Variants in TENM2 observed in about 807,000 individuals in gnomAD.
TENM2 encodes teneurin-2.
A neutral mutation model predicts 245.2 loss-of-function variants in TENM2; 52 were observed. The observed-to-expected ratio is 0.21, with a 90% CI of 0.17 to 0.27. TENM2 has a LOEUF of 0.27. Ranked by LOEUF, TENM2 falls within the 10% of genes least tolerant of loss-of-function variation. The probability of loss-of-function intolerance (pLI) is 1.00; values close to 1 mark genes in which losing one functional copy is unlikely to be tolerated. For synonymous variants in TENM2, 1,363 were observed against 1,438.9 expected (o/e 0.95, Z 1.19); for missense variants, 3,046 against 3,666.8 (o/e 0.83, Z 4.37).
intron 2 of TENM2, among the ~76,000 whole-genome samples, chr5:167,575,474 G>C (rs1472265064): frequency 6.6e-6 from 1 of 152,196 alleles, no homozygotes; most frequent in East Asian, 1.9e-4. Flanking sequence ...AACCGGACTT[G>C]CTCCTCAATA....
intron 2 of TENM2, among the ~76,000 whole-genome samples, chr5:167,809,001 A>G (rs2150984556): frequency 6.6e-6 from 1 of 152,334 alleles, no homozygotes; most frequent in South Asian, 2.1e-4. Context: ...CAGTTACAAA[A>G]GGGATTCTTA....
At chr5:167,635,187 T>C (rs1367085278) in intron 2 of TENM2, among the ~76,000 whole-genome samples, 5 of 152,174 alleles carry the variant, frequency 3.3e-5, no homozygotes, top group African/African-American at 4.8e-5. Context: ...TACAGAGATA[T>C]ATAATTTACA....
At chr5:168,219,126 A>G (rs1763451496) in intron 23 of TENM2, 127 bp downstream of exon 25, 12 of 930,216 alleles carry the variant, frequency 1.3e-5, no homozygotes, top group Non-Finnish European at 1.8e-5. Flanking sequence ...ATGATGTCTT[A>G]TGGCCTCAAG....
At chr5:167,708,230 G>A (rs1228448384) in intron 2 of TENM2, among the ~76,000 whole-genome samples, 3 of 143,148 alleles carry the variant, frequency 2.1e-5, no homozygotes, top group Admixed American at 1.4e-4. Context: ...GGAAGAAAGT[G>A]ATGGAGAGAG....
intron 9 of TENM2, among the ~76,000 whole-genome samples, chr5:168,103,233 T>C (rs1047546275): frequency 6.6e-6 from 1 of 152,194 alleles, no homozygotes; most frequent in Admixed American, 6.5e-5. Flanking sequence ...TTGAAATCAT[T>C]TGGGACTTGC....
chr5:166,989,853 C>T, the TENM2 span, among the ~76,000 whole-genome samples: 4 of 149,434 alleles, frequency 2.7e-5, no homozygotes, highest in South Asian at 2.2e-4. Flanking sequence ...TAGATGATAA[C>T]GGTATTAAGC....
chr5:167,759,469 C>G (rs1441508609), intron 2 of TENM2, among the ~76,000 whole-genome samples: 1 of 152,124 alleles, frequency 6.6e-6, no homozygotes, highest in Non-Finnish European at 1.5e-5. Context: ...TTTCTCAAGC[C>G]TTGCACGCTG....
At chr5:167,759,233 G>A (rs1762504304) in intron 2 of TENM2, among the ~76,000 whole-genome samples, 1 of 151,132 alleles carries the variant, frequency 6.6e-6, no homozygotes, top group Non-Finnish European at 1.5e-5. Flanking sequence ...CTGTGTCTCA[G>A]TATCCTCTTT....
chr5:167,016,872 A>G, the TENM2 span, among the ~76,000 whole-genome samples: 1 of 152,202 alleles, frequency 6.6e-6, no homozygotes, highest in South Asian at 2.1e-4. Flanking sequence ...AAAGGGAGAA[A>G]CTGGCTCCCT....
At chr5:167,294,975 T>G (rs982076317) in intron 1 of TENM2, among the ~76,000 whole-genome samples, 1 of 152,182 alleles carries the variant, frequency 6.6e-6, no homozygotes, top group African/African-American at 2.4e-5. Flanking sequence ...CCCTCTGAAT[T>G]TTTATAGCCC....
At chr5:167,114,757 CA>C in the TENM2 span, among the ~76,000 whole-genome samples, 2 of 152,034 alleles carry the variant, frequency 1.3e-5, no homozygotes, top group East Asian at 3.9e-4. Flanking sequence ...AGATAATTTC[CA>C]AAACTTGAAA....
chr5:168,062,180 A>G, exon 7 of TENM2: 1 of 1,613,850 alleles, frequency 6.2e-7, no homozygotes, highest in East Asian at 2.2e-5. Flanking sequence ...AGTCAGCCCC[A>G]GTTCTTAAAG....
intron 5 of TENM2, among the ~76,000 whole-genome samples, chr5:168,025,156 A>G (rs1386130004): frequency 6.6e-6 from 1 of 152,226 alleles, no homozygotes; most frequent in Non-Finnish European, 1.5e-5. Flanking sequence ...CAAATGGAAA[A>G]CTACATGGTC....
rs1284378967 is a variant in TENM2 at position 168,017,832 on chromosome 5, C to T, written c.1186+24650C>T. 2.6e-5 allele frequency among the ~76,000 whole-genome samples: 4 copies of T among 152,232 alleles called. No homozygotes were observed. In the East Asian group the frequency reaches 5.8e-4, roughly 22 times the overall value. Reference sequence around the variant, plus strand: ...AGTACAAAATAGAGACTGACTTCATCGATCTTTATGCCATTTTTGCCCTTC... The same window carrying T: ...AGTACAAAATAGAGACTGACTTCATTGATCTTTATGCCATTTTTGCCCTTC... On this transcript the variant is annotated intron_variant, in intron 5 of 28. Transcript: ENST00000518659.
At chr5:167,097,047 ACTGT>A in the TENM2 span, among the ~76,000 whole-genome samples, 1 of 152,112 alleles carries the variant, frequency 6.6e-6, no homozygotes, top group East Asian at 1.9e-4. Context: ...TTCAGACTTC[ACTGT>A]CTGCTGCGTT....
the TENM2 span, among the ~76,000 whole-genome samples, chr5:167,123,197 C>T: frequency 6.6e-6 from 1 of 151,650 alleles, no homozygotes; most frequent in Admixed American, 6.6e-5. Flanking sequence ...GTAATCCAAG[C>T]TACTCAGGAG....
rs3083562 is a variant in TENM2, at chr5:168,235,810, G to GA, written c.5520+7690dup. ...TGACAGAGTGAGACTCTGCCTCAAAGAAAAAAAAAAGAAATTGTGATGGGT... is the reference window on the plus strand; with the variant it reads ...TGACAGAGTGAGACTCTGCCTCAAAGAAAAAAAAAAAGAAATTGTGATGGGT... On this transcript the variant is annotated intron_variant, in intron 25 of 28. Coordinates refer to ENST00000518659, the Ensembl canonical transcript of TENM2. Among the ~76,000 whole-genome samples the GA allele has an allele frequency of 3.2e-3, 477 of 149,514 alleles. 5 individuals are homozygous for GA. Among genetic ancestry groups the GA allele is most frequent in the African/African-American group, 9.0e-3 (366 of 40,796 alleles).
At chr5:167,693,446 G>A (rs1378010158) in intron 2 of TENM2, among the ~76,000 whole-genome samples, 1 of 152,064 alleles carries the variant, frequency 6.6e-6, no homozygotes, top group African/African-American at 2.4e-5. Context: ...GATGCATTGG[G>A]TTTCCAGAAG....
intron 2 of TENM2, among the ~76,000 whole-genome samples, chr5:167,794,529 G>A (rs1403839445): frequency 1.3e-5 from 2 of 152,166 alleles, no homozygotes; most frequent in Non-Finnish European, 2.9e-5. Flanking sequence ...TCTGTGTTCC[G>A]GTTGCTGAAG....
Sources: gnomAD v4.1 joint callset for allele counts (sites outside exome capture counted in the v4.1 genomes callset) on GRCh38, gnomAD v4.1.1 for gene constraint, MANE v1.5 for transcripts, NCBI Gene and HGNC (gene_info 2026-07-23, HGNC 2026-07-21) for gene names.